KAZN: variants seen among roughly 807,000 people sequenced by gnomAD.
The protein encoded by KAZN is kazrin, periplakin interacting protein.
In KAZN, 40 loss-of-function variants were observed where a neutral mutation model predicts 87.4. The observed-to-expected ratio is 0.46, with a 90% confidence interval of 0.36 to 0.60. The LOEUF is 0.60. Ranked by LOEUF, KAZN falls within the 20% of genes least tolerant of loss-of-function variation. The probability of loss-of-function intolerance (pLI) is 0.00; values close to 1 mark genes in which losing one functional copy is unlikely to be tolerated. For synonymous variants in KAZN, 466 were observed against 458.3 expected, an observed-to-expected ratio of 1.02 and a Z score of -0.22; for missense variants, 898 against 1,073.9, an observed-to-expected ratio of 0.84 and a Z score of 2.29.
intron 2 of KAZN, among the ~76,000 whole-genome samples, chr1:14,420,593 C>T (rs766776007): frequency 4.2e-4 from 64 of 152,326 alleles, no homozygotes; most frequent in Non-Finnish European, 1.8e-4. Flanking sequence ...CAGGAGCCCA[C>T]GGCAGGAGTG....
chr1:14,338,484 TAGAGA>T (rs1432360857), intron 2 of KAZN, among the ~76,000 whole-genome samples: 5 of 92,710 alleles, frequency 5.4e-5, no homozygotes, highest in African/African-American at 2.0e-4. Flanking sequence ...GACTCCATCT[TAGAGA>T]AAAAAAAAAA....
rs1334770120 is a variant in KAZN at position 14,820,524 on chromosome 1, C to T, written c.227-140160C>T. On this transcript the variant is annotated intron_variant, in intron 1 of 14. Coordinates refer to ENST00000376030, the MANE Select transcript of KAZN (RefSeq NM_201628.3). This position sits in a 1 kb window ranked among gnomAD's most constrained non-coding sequence, Gnocchi z 4.1. ...GTGCTGGGCTGCACAGCTGCCTGAACGAAGCTGGAGCGTGCAGAACAAACT... is the reference window on the plus strand; with the variant it reads ...GTGCTGGGCTGCACAGCTGCCTGAATGAAGCTGGAGCGTGCAGAACAAACT... Among the ~76,000 whole-genome samples the T allele has an allele frequency of 6.6e-6, 1 of 152,334 alleles. No individual in the cohort carries two copies. The highest frequency in any genetic ancestry group is 6.5e-5 in the Admixed American group (1 of 15,304).
chr1:15,112,665 G>T, intron 14 of KAZN, 124 bp downstream of exon 14: 1 of 656,116 alleles, frequency 1.5e-6, no homozygotes, highest in Non-Finnish European at 2.7e-6. Flanking sequence ...CCGGGTCACG[G>T]GGGCATCCAG....
intron 2 of KAZN, among the ~76,000 whole-genome samples, chr1:14,449,439 T>A (rs1448597111): frequency 6.6e-6 from 1 of 152,230 alleles, no homozygotes; most frequent in Non-Finnish European, 1.5e-5. Flanking sequence ...TGGATGATGC[T>A]CTTGCACTGA....
chr1:14,602,293 TGAA>T (rs1378561998), intron 1 of KAZN, among the ~76,000 whole-genome samples: 1 of 152,228 alleles, frequency 6.6e-6, no homozygotes, highest in Non-Finnish European at 1.5e-5. Context: ...GAATCTGTGT[TGAA>T]AGAATTCCTG....
At chr1:14,955,524 CCT>C (rs747625093) in intron 1 of KAZN, among the ~76,000 whole-genome samples, 3 of 152,208 alleles carry the variant, frequency 2.0e-5, no homozygotes, top group Non-Finnish European at 4.4e-5. Context: ...CTCCGATAAG[CCT>C]CTCTCTTTCC....
intron 1 of KAZN, among the ~76,000 whole-genome samples, chr1:13,971,466 A>T (rs545410816): frequency 6.6e-6 from 1 of 152,300 alleles, no homozygotes; most frequent in South Asian, 2.1e-4. Context: ...ATGGTTTCAT[A>T]TGCATGCATT....
chr1:15,098,920 C>T (rs985320542), intron 10 of KAZN, among the ~76,000 whole-genome samples: 13 of 152,308 alleles, frequency 8.5e-5, no homozygotes, highest in African/African-American at 3.1e-4. Context: ...CCCCACCCTG[C>T]CCCCCAGGAG....
intron 1 of KAZN, among the ~76,000 whole-genome samples, chr1:13,902,907 G>C (rs977117397): frequency 1.3e-5 from 2 of 152,184 alleles, no homozygotes; most frequent in Non-Finnish European, 2.9e-5. Flanking sequence ...TGAATAAAAT[G>C]TAATGGCTGT....
rs372549228 is a variant in KAZN, at chr1:14,069,101, GT to G, written c.92-111332del. 3.2e-4 allele frequency among the ~76,000 whole-genome samples: 48 copies of G among 152,062 alleles called. No homozygotes were observed. In the East Asian group the frequency reaches 5.4e-3, roughly 17 times the overall value. On this transcript the variant is annotated intron_variant, in intron 1 of 16. Transcript: ENST00000636203. ...CGTGAGCCACCATGCCCGGCCAGTT[GT>G]TGAGTTATCAAGCAAGGTCTTCAGC...
intron 1 of KAZN, among the ~76,000 whole-genome samples, chr1:14,007,090 G>T (rs756160550): frequency 4.1e-4 from 63 of 152,118 alleles, no homozygotes; most frequent in Non-Finnish European, 7.5e-4. Context: ...TCTCTTTGAT[G>T]CTATCATGAA....
At chr1:14,420,735 T>A (rs1191869539) in intron 2 of KAZN, among the ~76,000 whole-genome samples, 1 of 152,080 alleles carries the variant, frequency 6.6e-6, no homozygotes, top group Non-Finnish European at 1.5e-5. Flanking sequence ...CCTTTGCAGC[T>A]GTTGGCCCAG....
At chr1:15,091,634 G>A (rs1489867093) in intron 8 of KAZN, among the ~76,000 whole-genome samples, 5 of 152,148 alleles carry the variant, frequency 3.3e-5, no homozygotes, top group East Asian at 1.9e-4. Context: ...GTGAGCCACC[G>A]CACCCGGCCG....
rs61663690 is a variant in KAZN at position 14,946,342 on chromosome 1, C to CT, written c.227-14329dup. On this transcript the variant is annotated intron_variant, in intron 1 of 14. Transcript: ENST00000376030. ...CTCTCTTTTTTTTTTTTAATTCTCT[C>CT]TTTTTTTTTTTTTGAGATGGAGTCT... Among the ~76,000 whole-genome samples the CT allele has an allele frequency of 2.8e-3, 385 of 136,852 alleles. 3 individuals carry two copies. The highest frequency in any genetic ancestry group is 4.2e-3 in the Non-Finnish European group (274 of 64,626). The allele number at this position is 136,852 out of a possible 152,430, so 89.8% of individuals were successfully genotyped here.
intron 8 of KAZN, among the ~76,000 whole-genome samples, chr1:15,078,299 G>T (rs1231793015): frequency 6.6e-6 from 1 of 152,076 alleles, no homozygotes; most frequent in Non-Finnish European, 1.5e-5. Context: ...CAGCTACTCG[G>T]GGGGCTGAGG....
At chr1:14,924,631 G>A (rs1256079733) in intron 1 of KAZN, 1 of 940,700 alleles carries the variant, frequency 1.1e-6, no homozygotes, top group Non-Finnish European at 1.3e-6. Context: ...AGGAGCCGCC[G>A]GGGCCGGGCG....
At chr1:14,366,457 A>G (rs758542708) in intron 2 of KAZN, among the ~76,000 whole-genome samples, 4 of 152,242 alleles carry the variant, frequency 2.6e-5, no homozygotes, top group African/African-American at 4.8e-5. Flanking sequence ...GTGAAGCAGG[A>G]TATCTTTCCT....
chr1:14,324,759 G>C (rs907782299), intron 2 of KAZN, among the ~76,000 whole-genome samples: 4 of 152,038 alleles, frequency 2.6e-5, no homozygotes, highest in African/African-American at 9.7e-5. Flanking sequence ...ATTTTTACCA[G>C]CAAAACCACA....
intron 2 of KAZN, among the ~76,000 whole-genome samples, chr1:14,510,342 C>T (rs1344481908): frequency 6.7e-6 from 1 of 150,254 alleles, no homozygotes; most frequent in Non-Finnish European, 1.5e-5. Context: ...GGCGCCATTG[C>T]ACTCCAGCCT....
Sources: allele counts gnomAD v4.1 joint callset (sites outside exome capture counted in the v4.1 genomes callset), GRCh38; gene constraint gnomAD v4.1.1; non-coding constraint Gnocchi (gnomAD v3.1); transcripts MANE v1.5; gene names NCBI Gene and HGNC (gene_info 2026-07-23, HGNC 2026-07-21).